The following TMTC2 variants were observed in gnomAD, a reference collection of about 807,000 sequenced individuals.
The protein encoded by TMTC2 is transmembrane O-mannosyltransferase targeting cadherins 2.
In TMTC2, 43 loss-of-function variants were observed where a neutral mutation model predicts 82.4. The observed-to-expected ratio is 0.52, with a 90% confidence interval of 0.41 to 0.67. The LOEUF (loss-of-function observed/expected upper bound fraction) is 0.67. Among genes scored for constraint, TMTC2 ranks in the 30% least tolerant of loss-of-function variants. TMTC2 has a pLI of 0.00. For synonymous variants in TMTC2, 408 were observed against 381.9 expected, an observed-to-expected ratio of 1.07 and a Z score of -0.80; for missense variants, 919 against 1,012.4, an observed-to-expected ratio of 0.91 and a Z score of 1.25.
chr12:82,793,822 G>C (rs577535225), intron 1 of TMTC2, among the ~76,000 whole-genome samples: 33 of 152,162 alleles, frequency 2.2e-4, no homozygotes, highest in East Asian at 1.2e-3. Flanking sequence ...TCACTGCAGC[G>C]TGTAAAGGCT....
chr12:83,116,811 A>T (rs977623335), intron 11 of TMTC2, among the ~76,000 whole-genome samples: 2 of 151,874 alleles, frequency 1.3e-5, no homozygotes, highest in Non-Finnish European at 2.9e-5. Context: ...GTTTGAGTTC[A>T]TTGTAGAGTC....
At chr12:82,990,412 GATT>G (rs1879350636) in intron 8 of TMTC2, among the ~76,000 whole-genome samples, 1 of 152,112 alleles carries the variant, frequency 6.6e-6, no homozygotes, top group African/African-American at 2.4e-5. Context: ...AGTTCAAACG[GATT>G]TAAGGTTTCC....
intron 11 of TMTC2, among the ~76,000 whole-genome samples, chr12:83,066,638 A>G (rs997432605): frequency 5.3e-5 from 8 of 152,004 alleles, no homozygotes; most frequent in African/African-American, 1.7e-4. Flanking sequence ...TGGTAATAGT[A>G]TAGGCATAAG....
At chr12:82,959,395 G>A (rs1877791359) in intron 4 of TMTC2, among the ~76,000 whole-genome samples, 1 of 152,060 alleles carries the variant, frequency 6.6e-6, no homozygotes, top group Non-Finnish European at 1.5e-5. Context: ...AACAAACCCA[G>A]AGGCATTGCA....
intron 4 of TMTC2, among the ~76,000 whole-genome samples, chr12:82,958,354 CAAAAA>C (rs750819932): frequency 1.2e-3 from 23 of 19,954 alleles, no homozygotes; most frequent in East Asian, 8.9e-3. Context: ...GAGTCTGTCT[CAAAAA>C]AAAAAAAAAA....
At chr12:82,893,176 C>A (rs1046869523) in intron 2 of TMTC2, among the ~76,000 whole-genome samples, 1 of 151,776 alleles carries the variant, frequency 6.6e-6, no homozygotes. Flanking sequence ...TCAAGACCAT[C>A]CTGGCCAACA....
At chr12:82,713,072 C>G (rs1457483824) in intron 1 of TMTC2, among the ~76,000 whole-genome samples, 1 of 152,116 alleles carries the variant, frequency 6.6e-6, no homozygotes, top group Non-Finnish European at 1.5e-5. Flanking sequence ...GTAATCCCAG[C>G]ACTTTGGGAG....
chr12:83,112,620 A>C (rs1205313812), intron 11 of TMTC2, among the ~76,000 whole-genome samples: 2 of 152,238 alleles, frequency 1.3e-5, no homozygotes, highest in Non-Finnish European at 2.9e-5. Flanking sequence ...ATAGTAAAGT[A>C]TTCATAAGAT....
chr12:82,841,987 A>G (rs1870363454), intron 1 of TMTC2, among the ~76,000 whole-genome samples: 1 of 152,214 alleles, frequency 6.6e-6, no homozygotes, highest in Non-Finnish European at 1.5e-5. Flanking sequence ...GGGCAGATAT[A>G]TGGATTCCAG....
intron 1 of TMTC2, among the ~76,000 whole-genome samples, chr12:82,832,988 A>T (rs533699847): frequency 4.0e-4 from 61 of 152,320 alleles, no homozygotes; most frequent in Admixed American, 7.2e-4. Flanking sequence ...GTACTACCCC[A>T]GTTCTATCCA....
chr12:83,015,029 A>G (rs2137393352), intron 8 of TMTC2, among the ~76,000 whole-genome samples: 1 of 152,330 alleles, frequency 6.6e-6, no homozygotes, highest in South Asian at 2.1e-4. Context: ...TTCACGAGAT[A>G]ATCAAGCTCA....
At chr12:82,962,020 A>G (rs952178140) in intron 4 of TMTC2, among the ~76,000 whole-genome samples, 17 of 152,172 alleles carry the variant, frequency 1.1e-4, no homozygotes, top group African/African-American at 3.9e-4. Flanking sequence ...CACAGTATAT[A>G]TATATTCCTG....
chr12:83,121,288 TA>T (rs1884939326), intron 11 of TMTC2, among the ~76,000 whole-genome samples: 1 of 152,142 alleles, frequency 6.6e-6, no homozygotes, highest in Non-Finnish European at 1.5e-5. Context: ...TAGGCTCTAT[TA>T]GGGGGAAGGT....
intron 11 of TMTC2, among the ~76,000 whole-genome samples, chr12:83,084,962 C>T (rs942789673): frequency 3.9e-5 from 6 of 152,084 alleles, no homozygotes; most frequent in Non-Finnish European, 7.4e-5. Context: ...GTATTTTTTC[C>T]AGAACTTGTG....
intron 9 of TMTC2, among the ~76,000 whole-genome samples, chr12:83,043,927 C>A (rs953671998): frequency 3.9e-5 from 6 of 152,050 alleles, no homozygotes; most frequent in Non-Finnish European, 8.8e-5. Flanking sequence ...TTGAATTGTT[C>A]CGAAATTAAA....
chr12:82,917,550 T>C (rs973623783), intron 3 of TMTC2, among the ~76,000 whole-genome samples: 2 of 152,066 alleles, frequency 1.3e-5, no homozygotes, highest in Admixed American at 1.3e-4. Flanking sequence ...TTAGGAGAGA[T>C]CACATATGCA....
chr12:82,688,429 G>A (rs967160655), intron 1 of TMTC2, among the ~76,000 whole-genome samples: 1 of 152,248 alleles, frequency 6.6e-6, no homozygotes, highest in East Asian at 1.9e-4. Flanking sequence ...AATGAGACCT[G>A]AACTGTGTTG....
chr12:82,928,355 A>C (rs898083325), intron 3 of TMTC2, among the ~76,000 whole-genome samples: 1 of 152,162 alleles, frequency 6.6e-6, no homozygotes. Flanking sequence ...AATTATTAGA[A>C]ATTTCCATAG....
rs58427886 is a variant in TMTC2, at chr12:82,752,147, C to CATTTTTTTTTTTTTTTTTT, written c.83+64478_83+64479insATTTTTTTTTTTTTTTTTT. ...ATGTTTTTATATTTATTGGAAGCTC[C>CATTTTTTTTTTTTTTTTTT]TTTTTTTTTTTTTTTTTTTCTGAAG... On this transcript the variant is annotated intron_variant, in intron 1 of 11. Transcript: ENST00000321196. Among the ~76,000 whole-genome samples, 6 of 137,928 alleles carry CATTTTTTTTTTTTTTTTTT rather than the reference C, an allele frequency of 4.4e-5. 3 individuals are homozygous for CATTTTTTTTTTTTTTTTTT. The highest frequency in any genetic ancestry group is 5.6e-5 in the African/African-American group (2 of 35,846). The allele number at this position is 137,928 out of a possible 152,430, so 90.5% of individuals were successfully genotyped here. A position where few individuals can be genotyped will look rare whatever the true frequency, so the allele number is the denominator to read the frequency against.
Sources: allele counts gnomAD v4.1 joint callset (sites outside exome capture counted in the v4.1 genomes callset), GRCh38; gene constraint gnomAD v4.1.1; transcripts MANE v1.5; gene names NCBI Gene and HGNC (gene_info 2026-07-23, HGNC 2026-07-21).